The following RABGGTB variants were observed in gnomAD, a reference collection of about 807,000 sequenced individuals.
RABGGTB encodes the protein Rab geranylgeranyltransferase subunit beta.
Under a neutral mutation model 44.5 loss-of-function variants are expected in RABGGTB, and 20 were observed. The ratio of observed to expected loss-of-function variants is 0.45; its 90% CI spans 0.32 to 0.65. The LOEUF is 0.65. Ranked by LOEUF, RABGGTB falls within the 30% of genes least tolerant of loss-of-function variation. The pLI is 0.05. For synonymous variants in RABGGTB, 128 were observed against 136.7 expected, an observed-to-expected ratio of 0.94 and a Z score of 0.44; for missense variants, 302 against 398.7, an observed-to-expected ratio of 0.76 and a Z score of 2.06.
chr1:75,794,887 G>C lies in RABGGTB; in HGVS notation c.*237G>C, dbSNP rs957365471. The C allele has an allele frequency of 2.3e-5, 5 of 216,846 alleles. No individual in the cohort carries two copies. The highest frequency in any genetic ancestry group is 1.2e-4 in the African/African-American group (5 of 43,022). 13.4% of individuals were successfully genotyped at this position (216,846 alleles called of 1,614,324 possible). On this transcript the variant is annotated 3_prime_UTR_variant, in exon 9 of 9. Coordinates refer to ENST00000319942, the MANE Select transcript of RABGGTB (RefSeq NM_004582.4). ...GTTCTTTGTGTATACTTCTGTGTCTGTTATGTTCAATAACTGAGCTAACAT... is the reference window on the plus strand; with the variant it reads ...GTTCTTTGTGTATACTTCTGTGTCTCTTATGTTCAATAACTGAGCTAACAT...
At chr1:75,790,738 G>A (rs994847005) in intron 4 of RABGGTB, among the ~76,000 whole-genome samples, 3 of 152,080 alleles carry the variant, frequency 2.0e-5, no homozygotes, top group Non-Finnish European at 2.9e-5. Flanking sequence ...GAGTGCAGTG[G>A]TGCAATCTTG....
intron 1 of RABGGTB, 137 bp downstream of exon 1, chr1:75,786,411 TG>T: frequency 7.8e-7 from 1 of 1,275,904 alleles, no homozygotes; most frequent in Non-Finnish European, 1.1e-6. Context: ...GAAGGTTTTT[TG>T]AGTGTGAAAT....
intron 1 of RABGGTB, 102 bp downstream of exon 1, chr1:75,786,376 G>A: frequency 3.3e-6 from 5 of 1,511,130 alleles, no homozygotes; most frequent in Non-Finnish European, 3.7e-6. Context: ...CCTGGTGCTG[G>A]AGAATGGTTA....
chr1:75,793,158 C>T (rs911911022), intron 7 of RABGGTB, among the ~76,000 whole-genome samples: 1 of 151,858 alleles, frequency 6.6e-6, no homozygotes, highest in Non-Finnish European at 1.5e-5. Context: ...TATTCCTACA[C>T]TATAGATTTG....
intron 7 of RABGGTB, 126 bp from the exon 8 acceptor site, chr1:75,793,958 C>G: frequency 2.0e-6 from 2 of 992,304 alleles, no homozygotes; most frequent in Non-Finnish European, 2.9e-6. Flanking sequence ...GGATTTCGTC[C>G]TTCCACATGG....
chr1:75,794,167 G>T lies in RABGGTB; in HGVS notation c.789G>T (p.Leu263=). 6.8e-6 allele frequency: 11 copies of T among 1,613,796 alleles called. No individual in the cohort carries two copies. The highest frequency in any genetic ancestry group is 9.3e-6 in the Non-Finnish European group (11 of 1,179,776). ...GRLHWIDREK[L]RNFILACQDE... is the part of the protein sequence containing the mutation. ...TTCATTGGATTGATAGAGAGAAACT[G>T]CGTAATTTCATTTTAGCATGTCAAG... The change falls in exon 8 of 9, where the codon CTG becomes CTT. Residue 263 remains leucine (L), a synonymous_variant. Transcript: ENST00000319942.
intron 1 of RABGGTB, chr1:75,786,896 G>A: frequency 3.0e-6 from 1 of 335,532 alleles, no homozygotes; most frequent in South Asian, 2.3e-5. Flanking sequence ...GATTAAGCAA[G>A]AATTCGCTTG....
At chr1:75,787,657 C>T in intron 2 of RABGGTB, 53 bp downstream of exon 2, 2 of 1,387,878 alleles carry the variant, frequency 1.4e-6, no homozygotes, top group African/African-American at 1.4e-5. Context: ...GTGTGACAGT[C>T]ATAAGCAGTG....
At chr1:75,794,030 C>T in intron 7 of RABGGTB, 54 bp from the exon 8 acceptor site, 1 of 1,172,476 alleles carries the variant, frequency 8.5e-7, no homozygotes, top group Non-Finnish European at 1.2e-6. Context: ...AAATTGTTCT[C>T]AAAATTAGGG....
chr1:75,787,085 T>G (rs755113894), intron 1 of RABGGTB: 1 of 524,086 alleles, frequency 1.9e-6, no homozygotes, highest in Non-Finnish European at 3.8e-6. Context: ...CAATGATGAG[T>G]TGGCATGTAT....
Position 75,787,498 on chromosome 1 carries a change from G to A in RABGGTB, c.5G>A (p.Gly2Asp), listed in dbSNP as rs1161706307. 1.2e-6 allele frequency: 2 copies of A among 1,611,394 alleles called. No individual in the cohort carries two copies. The highest frequency in any genetic ancestry group is 2.2e-5 in the East Asian group (1 of 44,858). ...GAGATTACCACTTTATTTTGAAAGG[G>A]CACTCCACAGAAGGATGTTATTATC... Reference protein sequence around the residue: MGTPQKDVIIKS... With the variant: MDTPQKDVIIKS... Residue 2 changes from glycine (G) to aspartate (D), a missense_variant and splice_region_variant, in exon 2 of 9, where the codon GGC (glycine) becomes GAC (aspartate). Physicochemically the swap from Gly to Asp is moderately conservative, Grantham distance 94. Transcript: ENST00000319942.
intron 7 of RABGGTB, 55 bp from the exon 8 acceptor site, chr1:75,794,029 T>C: frequency 1.1e-6 from 1 of 869,602 alleles, no homozygotes; most frequent in Non-Finnish European, 1.7e-6. Flanking sequence ...TAAATTGTTC[T>C]CAAAATTAGG....
chr1:75,789,118 C>T (rs1269320419), intron 2 of RABGGTB, 41 bp from the exon 3 acceptor site: 1 of 1,560,122 alleles, frequency 6.4e-7, no homozygotes, highest in Non-Finnish European at 8.8e-7. Flanking sequence ...AACTTGTTAC[C>T]AGTTCAAATG....
chr1:75,786,942 T>C (rs1229047218), intron 1 of RABGGTB: 1 of 365,020 alleles, frequency 2.7e-6, no homozygotes, highest in Non-Finnish European at 5.3e-6. Flanking sequence ...TTTTTAAAAA[T>C]ATGCTTTCTG....
At chr1:75,792,884 A>C (rs1649680858) in intron 7 of RABGGTB, among the ~76,000 whole-genome samples, 1 of 152,198 alleles carries the variant, frequency 6.6e-6, no homozygotes, top group Non-Finnish European at 1.5e-5. Flanking sequence ...GCTGGAGTGC[A>C]GTGACGCCAT....
intron 1 of RABGGTB, chr1:75,787,232 T>G: frequency 1.6e-6 from 1 of 628,948 alleles, no homozygotes. Flanking sequence ...GTTGTTGTTG[T>G]TGTTTTGGTT....
Position 75,794,090 on chromosome 1 carries a change from G to T in RABGGTB, c.712G>T (p.Asp238Tyr). The T allele has an allele frequency of 6.3e-7, 1 of 1,591,754 alleles. No individual in the cohort carries two copies. Among genetic ancestry groups the T allele is most frequent in the Non-Finnish European group, 8.6e-7 (1 of 1,167,766 alleles). ...GLNGRPEKLP[D>Y]VCYSWWVLAS... ...CAACTTTTTTCCCTCCTAGTTACCAGATGTATGCTACTCATGGTGGGTCCT... is the reference window on the plus strand; with the variant it reads ...CAACTTTTTTCCCTCCTAGTTACCATATGTATGCTACTCATGGTGGGTCCT... Residue 238 changes from aspartate (D) to tyrosine (Y), a missense_variant, in exon 8 of 9, where the codon GAT (aspartate) becomes TAT (tyrosine). Asp to Tyr is a radical substitution (Grantham distance 160). Transcript: ENST00000319942.
chr1:75,790,909 C>T (rs938141612), intron 4 of RABGGTB, among the ~76,000 whole-genome samples: 1 of 152,072 alleles, frequency 6.6e-6, no homozygotes, highest in African/African-American at 2.4e-5. Context: ...ACCAAAAGTG[C>T]TGGGATTTCA....
intron 3 of RABGGTB, 22 bp from the exon 4 acceptor site, chr1:75,789,930 C>A: frequency 6.5e-7 from 1 of 1,539,074 alleles, no homozygotes; most frequent in South Asian, 1.1e-5. Context: ...GGACATTTAC[C>A]TAATACTTGT....
Sources: allele counts gnomAD v4.1 joint callset (sites outside exome capture counted in the v4.1 genomes callset), GRCh38; gene constraint gnomAD v4.1.1; transcripts MANE v1.5; gene names NCBI Gene and HGNC (gene_info 2026-07-23, HGNC 2026-07-21).